The following AGBL3 variants were observed in gnomAD, a reference collection of about 807,000 sequenced individuals.
The protein encoded by AGBL3 is cytosolic carboxypeptidase 3.
A neutral mutation model predicts 94.5 loss-of-function variants in AGBL3; 68 were observed. The observed-to-expected ratio is 0.72, with a 90% CI of 0.59 to 0.88. AGBL3 has a LOEUF of 0.88. Among genes scored for constraint, AGBL3 ranks in the 40% least tolerant of loss-of-function variants. The pLI is 0.00. For missense variants in AGBL3, 934 were observed against 1,103.8 expected (o/e 0.85, Z 2.18); for synonymous variants, 354 against 370.7 (o/e 0.95, Z 0.52).
Position 135,135,298 on chromosome 7 carries a change from G to A in AGBL3, c.*37G>A, listed in dbSNP as rs1829295000. 7.0e-7 allele frequency: 1 copy of A among 1,434,318 alleles called. No individual in the cohort carries two copies. Among genetic ancestry groups the A allele is most frequent in the Admixed American group, 2.8e-5 (1 of 35,364 alleles). The allele number at this position is 1,434,318 out of a possible 1,614,324, so 88.8% of individuals were successfully genotyped here. A position where few individuals can be genotyped will look rare whatever the true frequency, so the allele number is the denominator to read the frequency against. The stretch of plus-strand genomic sequence containing the variant: ...ACTGCTCTGAGAACTGTGAATGAAG[G>A]ATAACATATGCTTATGTAGTAAAAA... On this transcript the variant is annotated 3_prime_UTR_variant, in exon 17 of 17. Transcript: ENST00000436302.
chr7:135,090,801 G>C (rs2116906868), intron 15 of AGBL3, among the ~76,000 whole-genome samples: 1 of 152,282 alleles, frequency 6.6e-6, no homozygotes, highest in Non-Finnish European at 1.5e-5. Context: ...AGCTTCAGTT[G>C]AGTTTCAGAG....
chr7:135,055,343 T>A (rs1818248206), intron 11 of AGBL3, among the ~76,000 whole-genome samples: 1 of 152,180 alleles, frequency 6.6e-6, no homozygotes, highest in Non-Finnish European at 1.5e-5. Flanking sequence ...TGAGAAGACA[T>A]CCTTATCCTG....
At chr7:135,115,046 A>C (rs1484360198) in intron 15 of AGBL3, among the ~76,000 whole-genome samples, 2 of 152,116 alleles carry the variant, frequency 1.3e-5, no homozygotes, top group Non-Finnish European at 2.9e-5. Context: ...TTTGTCTCGA[A>C]TTATCTTTCC....
intron 7 of AGBL3, among the ~76,000 whole-genome samples, chr7:135,035,275 A>C (rs1375368796): frequency 6.6e-6 from 1 of 151,770 alleles, no homozygotes; most frequent in African/African-American, 2.4e-5. Context: ...ATAAATATAT[A>C]TATTTTATAT....
intron 12 of AGBL3, among the ~76,000 whole-genome samples, chr7:135,075,500 G>C (rs1027398409): frequency 6.6e-6 from 1 of 152,162 alleles, no homozygotes; most frequent in Non-Finnish European, 1.5e-5. Flanking sequence ...GAACATGTGG[G>C]TTGTTTTCAG....
rs1816100141 is a variant in AGBL3, at chr7:135,034,494, C to T, written c.903C>T (p.Tyr301=). 1 of 1,551,860 alleles carries T rather than the reference C, an allele frequency of 6.4e-7. No homozygotes were observed. Among genetic ancestry groups the T allele is most frequent in the East Asian group, 2.4e-5 (1 of 40,928 alleles). ...DTCYFAHCYP[Y]TYTNLQEYLS... The stretch of plus-strand genomic sequence containing the variant: ...GCTACTTTGCTCATTGCTATCCATA[C>T]ACTTACACCAACCTGCAAGAATACC... Residue 301 remains tyrosine (Y), a synonymous_variant, in exon 7 of 17, where the codon TAC becomes TAT. Transcript: ENST00000436302.
At position 135,134,631 on chromosome 7, in the gene AGBL3, C is replaced by T. The variant is rs556335506; in HGVS notation, c.2343-210C>T. Among the ~76,000 whole-genome samples the T allele has an allele frequency of 4.6e-5, 7 of 151,776 alleles. No homozygotes were observed. The South Asian group carries it at 1.5e-3, about 32-fold the overall frequency. ...GTAGGTATCCAAATAAACATATCCTCTAGGCATTTAGAAATACAGGATTGG... is the reference window on the plus strand; with the variant it reads ...GTAGGTATCCAAATAAACATATCCTTTAGGCATTTAGAAATACAGGATTGG... On this transcript the variant is annotated intron_variant, in intron 16 of 16. Coordinates refer to ENST00000436302, the MANE Select transcript of AGBL3 (RefSeq NM_178563.4).
In AGBL3 at chr7:135,135,097, G is replaced by C; in HGVS notation, c.2599G>C (p.Gly867Arg). The C allele has an allele frequency of 6.4e-7, 1 of 1,551,164 alleles. No individual in the cohort carries two copies. Among genetic ancestry groups the C allele is most frequent in the South Asian group, 1.2e-5 (1 of 84,050 alleles). The change falls in exon 17 of 17, where the codon GGA becomes CGA. Residue 867 changes from glycine to arginine, a missense_variant. Gly to Arg is a moderately radical substitution (Grantham distance 125). This residue lies in a region of AGBL3 where 441 missense variants were observed against 518.2 expected (regional missense o/e 0.85). Coordinates refer to ENST00000436302, the MANE Select transcript of AGBL3 (RefSeq NM_178563.4). Reference protein sequence around the residue: ...SKWETASSSFGMDANVLKYKS... With the variant: ...SKWETASSSFRMDANVLKYKS... ...GTGGGAGACTGCTTCTTCAAGCTTTGGAATGGATGCAAATGTTCTAAAATA... is the reference window on the plus strand; with the variant it reads ...GTGGGAGACTGCTTCTTCAAGCTTTCGAATGGATGCAAATGTTCTAAAATA...
intron 5 of AGBL3, among the ~76,000 whole-genome samples, chr7:135,029,591 A>T (rs1045298745): frequency 6.6e-6 from 1 of 152,102 alleles, no homozygotes; most frequent in African/African-American, 2.4e-5. Flanking sequence ...AGACCACCAA[A>T]CTTTTTCCAT....
intron 15 of AGBL3, among the ~76,000 whole-genome samples, chr7:135,085,257 G>A (rs1228581254): frequency 6.6e-6 from 1 of 152,040 alleles, no homozygotes; most frequent in Non-Finnish European, 1.5e-5. Context: ...TTAATCCCTT[G>A]TCAGATAGTT....
intron 15 of AGBL3, among the ~76,000 whole-genome samples, chr7:135,085,450 T>TGTG (rs1388917153): frequency 6.6e-6 from 1 of 152,092 alleles, no homozygotes; most frequent in Admixed American, 6.6e-5. Context: ...GCATTTCCTT[T>TGTG]GTGTTTTCTT....
chr7:135,050,207 C>G (rs560120499), intron 11 of AGBL3, among the ~76,000 whole-genome samples: 21 of 151,876 alleles, frequency 1.4e-4, no homozygotes, highest in Admixed American at 4.6e-4. Flanking sequence ...TGTGAATATT[C>G]CAGTTTTCCT....
At chr7:135,007,553 A>G (rs1812548791) in intron 4 of AGBL3, among the ~76,000 whole-genome samples, 1 of 152,006 alleles carries the variant, frequency 6.6e-6, no homozygotes, top group African/African-American at 2.4e-5. Flanking sequence ...CCCACAGCTA[A>G]TATCTACTTA....
chr7:135,033,118 G>A (rs1815944451), intron 6 of AGBL3, 136 bp downstream of exon 6: 1 of 962,540 alleles, frequency 1.0e-6, no homozygotes, highest in Non-Finnish European at 1.4e-6. Flanking sequence ...ATTAGAAATT[G>A]TTGTGGAGGA....
At chr7:135,073,642 C>T (rs1025023149) in intron 12 of AGBL3, among the ~76,000 whole-genome samples, 3 of 151,998 alleles carry the variant, frequency 2.0e-5, no homozygotes, top group Non-Finnish European at 2.9e-5. Context: ...CCGAGCTCCC[C>T]GAGTGAGCAA....
intron 4 of AGBL3, among the ~76,000 whole-genome samples, chr7:135,016,010 G>A (rs866728063): frequency 4.1e-5 from 6 of 147,632 alleles, no homozygotes; most frequent in South Asian, 2.1e-4. Flanking sequence ...CAGCCTGGGC[G>A]ACAGAGCGAC....
intron 15 of AGBL3, among the ~76,000 whole-genome samples, chr7:135,090,224 G>A (rs1165304931): frequency 6.6e-6 from 1 of 152,236 alleles, no homozygotes; most frequent in African/African-American, 2.4e-5. Flanking sequence ...ACTCTGTGAG[G>A]CCAGGTGCAT....
chr7:135,025,513 C>A (rs1814991957), intron 5 of AGBL3, among the ~76,000 whole-genome samples: 1 of 151,566 alleles, frequency 6.6e-6, no homozygotes, highest in South Asian at 2.1e-4. Flanking sequence ...ATATAGCCCA[C>A]TGTAAAGCAG....
chr7:134,988,916 G>A (rs1809850118), intron 2 of AGBL3, among the ~76,000 whole-genome samples: 1 of 152,172 alleles, frequency 6.6e-6, no homozygotes, highest in Non-Finnish European at 1.5e-5. Context: ...GGGATTACAG[G>A]CATGAGCCGC....
Sources: allele counts gnomAD v4.1 joint callset (sites outside exome capture counted in the v4.1 genomes callset), GRCh38; gene constraint gnomAD v4.1.1; regional missense constraint gnomAD v4.1.1; transcripts MANE v1.5; gene names NCBI Gene and HGNC (gene_info 2026-07-23, HGNC 2026-07-21).